Variants in ZFPM2 observed in about 807,000 individuals in gnomAD.
ZFPM2 encodes the protein zinc finger protein ZFPM2.
ZFPM2 carries 20 observed loss-of-function variants against 98.6 expected under a neutral mutation model. The ratio of observed to expected loss-of-function variants is 0.20; its 90% CI spans 0.14 to 0.29. The LOEUF is 0.29. Among genes scored for constraint, ZFPM2 ranks in the 10% least tolerant of loss-of-function variants. The pLI is 1.00. For synonymous variants in ZFPM2, 518 were observed against 502.7 expected, an observed-to-expected ratio of 1.03 and a Z score of -0.41; for missense variants, 1,310 against 1,388.6, an observed-to-expected ratio of 0.94 and a Z score of 0.90.
chr8:105,516,182 T>G (rs1320271622), intron 3 of ZFPM2, among the ~76,000 whole-genome samples: 1 of 152,116 alleles, frequency 6.6e-6, no homozygotes, highest in Non-Finnish European at 1.5e-5. Flanking sequence ...TGCCTCGGCC[T>G]TCTAAAGTGC....
At chr8:105,798,651 C>A in intron 6 of ZFPM2, 73 bp from the exon 7 acceptor site, 2 of 1,368,522 alleles carry the variant, frequency 1.5e-6, no homozygotes, top group South Asian at 1.3e-5. Flanking sequence ...AAAAATTGAA[C>A]TAAATGCTGC....
chr8:105,361,917 C>T (rs888199774), intron 1 of ZFPM2, among the ~76,000 whole-genome samples: 7 of 151,924 alleles, frequency 4.6e-5, no homozygotes, highest in South Asian at 4.2e-4. Flanking sequence ...AATAACATGC[C>T]GTACAGGTTT....
intron 5 of ZFPM2, among the ~76,000 whole-genome samples, chr8:105,760,124 G>T (rs1173461375): frequency 1.3e-5 from 2 of 151,966 alleles, no homozygotes; most frequent in Non-Finnish European, 2.9e-5. Flanking sequence ...TGGTGGATAT[G>T]AATGACTTGG....
chr8:105,762,715 C>A (rs1042471389), intron 5 of ZFPM2, among the ~76,000 whole-genome samples: 1 of 151,972 alleles, frequency 6.6e-6, no homozygotes. Context: ...CACACACAAA[C>A]ACACACATCA....
intron 3 of ZFPM2, among the ~76,000 whole-genome samples, chr8:105,511,948 C>T (rs962602026): frequency 6.6e-5 from 10 of 152,260 alleles, no homozygotes; most frequent in South Asian, 2.1e-4. Flanking sequence ...GAGTTCAAGA[C>T]CTGCCTGGCC....
intron 4 of ZFPM2, among the ~76,000 whole-genome samples, chr8:105,631,890 G>T (rs1816761288): frequency 6.6e-6 from 1 of 152,030 alleles, no homozygotes; most frequent in Admixed American, 6.6e-5. Flanking sequence ...TTAATTTACT[G>T]TGTCGAAATT....
At chr8:105,514,344 G>A (rs1813877386) in intron 3 of ZFPM2, among the ~76,000 whole-genome samples, 1 of 146,658 alleles carries the variant, frequency 6.8e-6, no homozygotes, top group Non-Finnish European at 1.5e-5. Context: ...TTTAAATAAG[G>A]GAGCCAGATA....
intron 1 of ZFPM2, among the ~76,000 whole-genome samples, chr8:105,378,976 G>T (rs1363140458): frequency 6.6e-6 from 1 of 152,106 alleles, no homozygotes; most frequent in Non-Finnish European, 1.5e-5. Context: ...GGTTAGATAG[G>T]TAGGTAAATA....
At chr8:105,727,104 GT>G (rs1811828871) in intron 5 of ZFPM2, among the ~76,000 whole-genome samples, 1 of 151,482 alleles carries the variant, frequency 6.6e-6, no homozygotes, top group Non-Finnish European at 1.5e-5. Flanking sequence ...GAGTATTTAT[GT>G]TTTAAAACTT....
At chr8:105,451,734 C>G (rs1471671107) in intron 3 of ZFPM2, 1 of 152,144 alleles carries the variant, frequency 6.6e-6, no homozygotes, top group Admixed American at 6.5e-5. Context: ...TGATCTTGGA[C>G]TTTTAACCTC....
chr8:105,751,040 T>C (rs1224487191), intron 5 of ZFPM2, among the ~76,000 whole-genome samples: 1 of 152,098 alleles, frequency 6.6e-6, no homozygotes, highest in East Asian at 1.9e-4. Context: ...CAATCAGATT[T>C]GTTAATTTCT....
At chr8:105,642,234 A>T (rs1225005079) in intron 5 of ZFPM2, among the ~76,000 whole-genome samples, 3 of 152,110 alleles carry the variant, frequency 2.0e-5, no homozygotes, top group Non-Finnish European at 2.9e-5. Context: ...ATCTAGGTGA[A>T]AAAAGGCAGA....
intron 1 of ZFPM2, among the ~76,000 whole-genome samples, chr8:105,365,734 A>G (rs746607405): frequency 1.3e-5 from 2 of 152,166 alleles, no homozygotes; most frequent in Non-Finnish European, 2.9e-5. Context: ...ATGGCCTCCC[A>G]TCAAGACAGA....
intron 5 of ZFPM2, among the ~76,000 whole-genome samples, chr8:105,638,703 AG>A (rs1816894597): frequency 6.6e-6 from 1 of 152,068 alleles, no homozygotes; most frequent in South Asian, 2.1e-4. Flanking sequence ...ACCATCTAGG[AG>A]GCATGCTTGC....
intron 5 of ZFPM2, among the ~76,000 whole-genome samples, chr8:105,770,696 T>C (rs1173959131): frequency 1.3e-5 from 2 of 152,158 alleles, no homozygotes; most frequent in Admixed American, 6.6e-5. Flanking sequence ...TACTCTACGC[T>C]ATTAAACCAC....
intron 4 of ZFPM2, among the ~76,000 whole-genome samples, chr8:105,593,979 AC>A (rs1350621421): frequency 6.6e-6 from 1 of 152,114 alleles, no homozygotes; most frequent in Non-Finnish European, 1.5e-5. Flanking sequence ...TCCTCTGCTG[AC>A]CTTACCATAA....
intron 5 of ZFPM2, among the ~76,000 whole-genome samples, chr8:105,767,958 G>A (rs1812892109): frequency 6.6e-6 from 1 of 151,922 alleles, no homozygotes; most frequent in Non-Finnish European, 1.5e-5. Context: ...GCTTTAGCAT[G>A]TCCTCCAATG....
At chr8:105,741,385 C>T (rs1812211960) in intron 5 of ZFPM2, among the ~76,000 whole-genome samples, 1 of 152,042 alleles carries the variant, frequency 6.6e-6, no homozygotes, top group Non-Finnish European at 1.5e-5. Flanking sequence ...TAAATGAGAG[C>T]TGGGAGGTTT....
At chr8:105,762,996 T>C (rs1446783773) in intron 5 of ZFPM2, among the ~76,000 whole-genome samples, 2 of 151,374 alleles carry the variant, frequency 1.3e-5, no homozygotes, top group Admixed American at 6.6e-5. Context: ...GAAATAGACA[T>C]ATTTATAGAA....
Sources: gnomAD v4.1 joint callset for allele counts (sites outside exome capture counted in the v4.1 genomes callset) on GRCh38, gnomAD v4.1.1 for gene constraint, MANE v1.5 for transcripts, NCBI Gene and HGNC (gene_info 2026-07-23, HGNC 2026-07-21) for gene names.